The following KCNIP4 variants were observed in gnomAD, a reference collection of about 807,000 sequenced individuals.
The protein encoded by KCNIP4 is Kv channel-interacting protein 4.
A neutral mutation model predicts 34.0 loss-of-function variants in KCNIP4; 12 were observed. The observed-to-expected ratio is 0.35, with a 90% CI of 0.23 to 0.57. The LOEUF (loss-of-function observed/expected upper bound fraction) is 0.57. Among genes scored for constraint, KCNIP4 ranks in the 20% least tolerant of loss-of-function variants. The probability of loss-of-function intolerance (pLI) is 0.83; values close to 1 mark genes in which losing one functional copy is unlikely to be tolerated. For missense variants in KCNIP4, 238 were observed against 311.7 expected (o/e 0.76, Z 1.78); for synonymous variants, 124 against 102.2 (o/e 1.21, Z -1.29).
rs556380196 is a variant in KCNIP4 at position 21,617,932 on chromosome 4, G to C, written c.61+330639C>G. 6.6e-5 allele frequency among the ~76,000 whole-genome samples: 10 copies of C among 152,254 alleles called. No individual in the cohort carries two copies. In the East Asian group the frequency reaches 1.9e-3, roughly 29 times the overall value. ...AGGCCTCTGTGAGTTTGAATTACCT[G>C]ACAGGTATTGAGAAAATTATTTATA... On this transcript the variant is annotated intron_variant, in intron 1 of 8. Coordinates refer to ENST00000382152, the MANE Select transcript of KCNIP4 (RefSeq NM_025221.6).
chr4:21,847,926 TC>T (rs1041083207), intron 1 of KCNIP4: 2 of 152,090 alleles, frequency 1.3e-5, no homozygotes, highest in Admixed American at 1.3e-4. Flanking sequence ...AGCCCGCCTT[TC>T]CTTTTTCCTG....
intron 1 of KCNIP4, among the ~76,000 whole-genome samples, chr4:21,265,752 TG>T (rs1050766382): frequency 6.6e-6 from 1 of 152,204 alleles, no homozygotes; most frequent in Admixed American, 6.5e-5. Context: ...ACCTATTTGA[TG>T]GGTGGAAGGA....
In KCNIP4 at chr4:21,813,796, C is replaced by A. The variant is rs184116078; in HGVS notation, c.61+134775G>T. On this transcript the variant is annotated intron_variant, in intron 1 of 8. Transcript: ENST00000382152. ...AGATAGGAAGTCTCCCCTTTAGACC[C>A]TTGTGATTTATCCTTCGTTTGATGA... Among the ~76,000 whole-genome samples the A allele has an allele frequency of 4.0e-3, 611 of 152,224 alleles. 2 individuals are homozygous for A. Among genetic ancestry groups the A allele is most frequent in the Non-Finnish European group, 7.4e-3 (500 of 68,008 alleles).
chr4:20,988,898 C>T (rs1277546206), intron 1 of KCNIP4, among the ~76,000 whole-genome samples: 35 of 152,188 alleles, frequency 2.3e-4, no homozygotes, highest in Admixed American at 2.3e-3. Context: ...AAGGATGAAA[C>T]AACTATAATC....
At chr4:21,311,553 A>T (rs1713179729) in intron 1 of KCNIP4, among the ~76,000 whole-genome samples, 1 of 151,966 alleles carries the variant, frequency 6.6e-6, no homozygotes, top group Non-Finnish European at 1.5e-5. Flanking sequence ...ACTGGGTGTG[A>T]TGGTGCGTGC....
intron 1 of KCNIP4, among the ~76,000 whole-genome samples, chr4:21,758,436 G>A (rs1429616392): frequency 6.6e-6 from 1 of 152,180 alleles, no homozygotes; most frequent in Non-Finnish European, 1.5e-5. Flanking sequence ...TTTGAGCTTC[G>A]ACCTGCACCC....
At chr4:20,922,046 T>A (rs936685646) in intron 1 of KCNIP4, among the ~76,000 whole-genome samples, 23 of 152,206 alleles carry the variant, frequency 1.5e-4, no homozygotes, top group African/African-American at 5.5e-4. Flanking sequence ...AAAAGAAGCA[T>A]CAGTTAAATA....
intron 1 of KCNIP4, among the ~76,000 whole-genome samples, chr4:21,530,550 T>A (rs1184408757): frequency 6.6e-6 from 1 of 152,072 alleles, no homozygotes; most frequent in Non-Finnish European, 1.5e-5. Context: ...ATTGGGCAAA[T>A]AATTGTTGAT....
chr4:21,121,104 G>T (rs1750118439), intron 1 of KCNIP4, among the ~76,000 whole-genome samples: 1 of 152,108 alleles, frequency 6.6e-6, no homozygotes, highest in African/African-American at 2.4e-5. Flanking sequence ...GTGCTTTCTT[G>T]TCCCCAATTC....
At chr4:21,039,606 C>G (rs1577579956) in intron 1 of KCNIP4, among the ~76,000 whole-genome samples, 1 of 151,982 alleles carries the variant, frequency 6.6e-6, no homozygotes, top group Non-Finnish European at 1.5e-5. Context: ...GGAAAATTTC[C>G]AGTTGTTATA....
At chr4:21,354,631 C>T (rs1718378481) in intron 1 of KCNIP4, among the ~76,000 whole-genome samples, 1 of 152,158 alleles carries the variant, frequency 6.6e-6, no homozygotes. Flanking sequence ...AATACAGGAG[C>T]ACCAAGATTC....
intron 1 of KCNIP4, among the ~76,000 whole-genome samples, chr4:21,067,329 G>A (rs1391033797): frequency 6.6e-6 from 1 of 152,004 alleles, no homozygotes; most frequent in Non-Finnish European, 1.5e-5. Flanking sequence ...CACATTCCTG[G>A]CTGTGGTGGC....
intron 1 of KCNIP4, among the ~76,000 whole-genome samples, chr4:21,065,188 C>T (rs1197117691): frequency 6.6e-6 from 1 of 152,042 alleles, no homozygotes; most frequent in Non-Finnish European, 1.5e-5. Context: ...TAGGGGTGTT[C>T]TATGACACGC....
chr4:21,088,126 C>T (rs193206470), intron 1 of KCNIP4, among the ~76,000 whole-genome samples: 1 of 151,718 alleles, frequency 6.6e-6, no homozygotes, highest in Admixed American at 6.6e-5. Flanking sequence ...TGTTGGCCCC[C>T]TTCAAGACTC....
chr4:21,370,886 T>TACACAC lies in KCNIP4; in HGVS notation c.62-488178_62-488177insGTGTGT, dbSNP rs1313909456. Among the ~76,000 whole-genome samples, 3 of 96,204 alleles carry TACACAC rather than the reference T, an allele frequency of 3.1e-5. 1 individual carries two copies. The highest frequency in any genetic ancestry group is 1.6e-4 in the African/African-American group (3 of 18,354). The allele number at this position is 96,204 out of a possible 152,430, so 63.1% of individuals were successfully genotyped here. On this transcript the variant is annotated intron_variant, in intron 1 of 8. Coordinates refer to ENST00000382152, the MANE Select transcript of KCNIP4 (RefSeq NM_025221.6). ...ACACACACACACACACACACACGTGTGTGTGTGTGTGTGTGTATTAGCAGA... is the reference window on the plus strand; with the variant it reads ...ACACACACACACACACACACACGTGTACACACGTGTGTGTGTGTGTGTATTAGCAGA...
At chr4:21,537,175 C>T (rs1737245473) in intron 1 of KCNIP4, among the ~76,000 whole-genome samples, 1 of 152,158 alleles carries the variant, frequency 6.6e-6, no homozygotes, top group Non-Finnish European at 1.5e-5. Context: ...CACAGACATA[C>T]CTGGTAATCT....
intron 1 of KCNIP4, among the ~76,000 whole-genome samples, chr4:21,148,409 G>T (rs1164288040): frequency 6.6e-6 from 1 of 151,992 alleles, no homozygotes; most frequent in Non-Finnish European, 1.5e-5. Context: ...ACCATATTTG[G>T]GTGACTAAAT....
At chr4:21,426,655 T>C (rs1012401260) in intron 1 of KCNIP4, among the ~76,000 whole-genome samples, 11 of 152,140 alleles carry the variant, frequency 7.2e-5, no homozygotes, top group Non-Finnish European at 1.5e-4. Flanking sequence ...AAATCAACAT[T>C]AAACATCGTT....
chr4:21,788,956 T>C (rs10002042), intron 1 of KCNIP4, among the ~76,000 whole-genome samples: 112,933 of 151,312 alleles, frequency 0.75, 44,475 homozygotes, highest in Non-Finnish European at 0.86. Context: ...GTCTGTAGTC[T>C]CAACTACTTG....
Sources: gnomAD v4.1 joint callset for allele counts (sites outside exome capture counted in the v4.1 genomes callset) on GRCh38, gnomAD v4.1.1 for gene constraint, MANE v1.5 for transcripts, NCBI Gene and HGNC (gene_info 2026-07-23, HGNC 2026-07-21) for gene names.